Variants in ZEB1 observed in about 807,000 individuals in gnomAD.
ZEB1 encodes zinc finger E-box-binding homeobox 1.
In ZEB1, 21 loss-of-function variants were observed where a neutral mutation model predicts 84.9. That is an observed-to-expected ratio of 0.25 (90% CI 0.18 to 0.36). The LOEUF (loss-of-function observed/expected upper bound fraction) is 0.36, where lower values mean the gene tolerates loss of function less well. Among genes scored for constraint, ZEB1 ranks in the 10% least tolerant of loss-of-function variants. The pLI is 1.00. For missense variants in ZEB1, 1,104 were observed against 1,330.2 expected, an observed-to-expected ratio of 0.83 and a Z score of 2.65; for synonymous variants, 420 against 471.1, an observed-to-expected ratio of 0.89 and a Z score of 1.41.
At chr10:31,472,100 G>T (rs1170604754) in intron 2 of ZEB1, among the ~76,000 whole-genome samples, 1 of 150,816 alleles carries the variant, frequency 6.6e-6, no homozygotes, top group Non-Finnish European at 1.5e-5. Flanking sequence ...ATGCCCACAA[G>T]AGAAAGCAGG....
At chr10:31,460,131 A>C (rs1202446998) in intron 1 of ZEB1, among the ~76,000 whole-genome samples, 1 of 151,932 alleles carries the variant, frequency 6.6e-6, no homozygotes, top group Non-Finnish European at 1.5e-5. Flanking sequence ...ATCCTGTTAG[A>C]GTGATTATTG....
chr10:31,331,173 G>A (rs193275842), intron 1 of ZEB1, among the ~76,000 whole-genome samples: 2 of 128,454 alleles, frequency 1.6e-5, no homozygotes, highest in African/African-American at 6.0e-5. Flanking sequence ...TGCAACCTCC[G>A]CCTCCTGGGT....
intron 1 of ZEB1, among the ~76,000 whole-genome samples, chr10:31,357,239 A>C (rs2042263050): frequency 6.6e-6 from 1 of 152,208 alleles, no homozygotes. Context: ...AATAATTTTC[A>C]TATGCTTCAG....
intron 5 of ZEB1, among the ~76,000 whole-genome samples, chr10:31,513,018 G>A (rs189706504): frequency 7.9e-5 from 12 of 152,298 alleles, no homozygotes; most frequent in South Asian, 2.1e-4. Context: ...AGATAAAGAC[G>A]TTGGATTGTA....
intron 1 of ZEB1, among the ~76,000 whole-genome samples, chr10:31,384,932 C>T (rs142697010): frequency 2.6e-5 from 4 of 152,224 alleles, no homozygotes; most frequent in African/African-American, 9.6e-5. Flanking sequence ...GTATTATCTG[C>T]ACTTAGTACT....
At chr10:31,405,447 A>G (rs2052793099) in intron 1 of ZEB1, among the ~76,000 whole-genome samples, 1 of 152,286 alleles carries the variant, frequency 6.6e-6, no homozygotes, top group Admixed American at 6.5e-5. Flanking sequence ...TTCTTTACCC[A>G]TAAAGCCTGA....
intron 1 of ZEB1, chr10:31,321,688 C>A: frequency 1.9e-6 from 2 of 1,059,354 alleles, no homozygotes; most frequent in Non-Finnish European, 2.9e-6. Context: ...TTTACCTGAA[C>A]AGGAAAGAAT....
At chr10:31,427,774 G>A (rs1262124822) in intron 1 of ZEB1, among the ~76,000 whole-genome samples, 2 of 151,796 alleles carry the variant, frequency 1.3e-5, no homozygotes, top group Non-Finnish European at 2.9e-5. Context: ...CAGGAGAATG[G>A]CATGAACCCA....
At chr10:31,406,163 G>C (rs1410316200) in intron 1 of ZEB1, among the ~76,000 whole-genome samples, 1 of 152,166 alleles carries the variant, frequency 6.6e-6, no homozygotes. Context: ...ACATATGCGT[G>C]TGTCTTTATA....
intron 1 of ZEB1, among the ~76,000 whole-genome samples, chr10:31,431,823 G>A (rs930432617): frequency 1.3e-5 from 2 of 152,148 alleles, no homozygotes; most frequent in African/African-American, 2.4e-5. Context: ...TAAGACCTAC[G>A]TAGTATAACT....
At chr10:31,355,630 A>C (rs190298521) in intron 1 of ZEB1, among the ~76,000 whole-genome samples, 1 of 152,292 alleles carries the variant, frequency 6.6e-6, no homozygotes, top group Non-Finnish European at 1.5e-5. Flanking sequence ...TGAGATTGGA[A>C]GAATCAGCAT....
upstream of ZEB1, chr10:31,319,072 A>C: frequency 3.2e-6 from 2 of 624,874 alleles, no homozygotes; most frequent in South Asian, 3.5e-5. Context: ...TTCCGGCCGT[A>C]GAGCGAGAGC....
chr10:31,471,540 G>A (rs1046159617), intron 2 of ZEB1, among the ~76,000 whole-genome samples: 2 of 145,820 alleles, frequency 1.4e-5, no homozygotes, highest in African/African-American at 2.5e-5. Flanking sequence ...ACCCAATACA[G>A]GAGCACCCAG....
chr10:31,483,530 T>C (rs1477986197), intron 2 of ZEB1, among the ~76,000 whole-genome samples: 1 of 152,186 alleles, frequency 6.6e-6, no homozygotes, highest in African/African-American at 2.4e-5. Context: ...CCCATCCATA[T>C]AGAAACATCT....
At chr10:31,461,536 G>A (rs943138876) in intron 2 of ZEB1, among the ~76,000 whole-genome samples, 3 of 151,978 alleles carry the variant, frequency 2.0e-5, no homozygotes, top group Non-Finnish European at 2.9e-5. Context: ...TTGTAACCCC[G>A]AATGAATACT....
chr10:31,439,439 G>A (rs1420473261), intron 1 of ZEB1, among the ~76,000 whole-genome samples: 1 of 151,936 alleles, frequency 6.6e-6, no homozygotes, highest in Non-Finnish European at 1.5e-5. Flanking sequence ...TTTAAACCTT[G>A]CATATGTCAG....
intron 1 of ZEB1, among the ~76,000 whole-genome samples, chr10:31,378,665 G>A (rs547412604): frequency 6.3e-4 from 95 of 151,794 alleles, no homozygotes; most frequent in South Asian, 2.1e-3. Context: ...TGCTTACTGC[G>A]GTGTATTGGG....
chr10:31,473,426 G>C (rs984147779), intron 2 of ZEB1, among the ~76,000 whole-genome samples: 66 of 151,966 alleles, frequency 4.3e-4, no homozygotes, highest in Non-Finnish European at 8.5e-4. Flanking sequence ...CAGACAAACA[G>C]AGAGCCAAAT....
intron 2 of ZEB1, among the ~76,000 whole-genome samples, chr10:31,476,321 A>G (rs1187510611): frequency 6.6e-6 from 1 of 152,088 alleles, no homozygotes. Context: ...ATCAGGGGTT[A>G]CTATGAGCAT....
Sources: allele counts gnomAD v4.1 joint callset (sites outside exome capture counted in the v4.1 genomes callset), GRCh38; gene constraint gnomAD v4.1.1; transcripts MANE v1.5; gene names NCBI Gene and HGNC (gene_info 2026-07-23, HGNC 2026-07-21).